Variants in GUCA1B observed in about 807,000 individuals in gnomAD.
GUCA1B encodes the protein guanylate cyclase activator 1B.
In GUCA1B, 22 loss-of-function variants were observed where a neutral mutation model predicts 24.2. The observed-to-expected ratio is 0.91, with a 90% CI of 0.65 to 1.30. The LOEUF (loss-of-function observed/expected upper bound fraction) is 1.30. Among genes scored for constraint, GUCA1B ranks in the 50% most tolerant of loss-of-function variants. GUCA1B has a pLI of 0.00. For synonymous variants in GUCA1B, 100 were observed against 97.9 expected (o/e 1.02, Z -0.13); for missense variants, 221 against 258.8 (o/e 0.85, Z 1.00).
intron 1 of GUCA1B, among the ~76,000 whole-genome samples, chr6:42,192,038 CAAAAAAAA>C (rs35283316): frequency 8.6e-6 from 1 of 116,886 alleles, no homozygotes; most frequent in Non-Finnish European, 1.7e-5. Flanking sequence ...TATGATCATA[CAAAAAAAA>C]AAAAAGAAAA....
chr6:42,189,296 G>T (rs1018884000), intron 1 of GUCA1B, among the ~76,000 whole-genome samples: 1 of 152,150 alleles, frequency 6.6e-6, no homozygotes, highest in Non-Finnish European at 1.5e-5. Context: ...CTGTTTCCTA[G>T]ATTTGTCTTG....
At chr6:42,187,222 A>C (rs1354011101) in intron 2 of GUCA1B, among the ~76,000 whole-genome samples, 1 of 151,958 alleles carries the variant, frequency 6.6e-6, no homozygotes, top group East Asian at 1.9e-4. Flanking sequence ...CTCCTGCCTC[A>C]GCCTTCCGAG....
At chr6:42,186,606 A>AAGC (rs1768197151) in intron 2 of GUCA1B, among the ~76,000 whole-genome samples, 1 of 148,822 alleles carries the variant, frequency 6.7e-6, no homozygotes, top group African/African-American at 2.6e-5. Flanking sequence ...AAAAAAAAAG[A>AAGC]AAGAAAGAAA....
rs760673864 is a variant in GUCA1B at position 42,184,895 on chromosome 6, A to G, written c.523T>C (p.Trp175Arg). 15 of 1,613,804 alleles carry G rather than the reference A, an allele frequency of 9.3e-6. No homozygotes were observed. Among genetic ancestry groups the G allele is most frequent in the East Asian group, 6.7e-5 (3 of 44,876 alleles). Residue 175 changes from tryptophan to arginine, a missense_variant, in exon 4 of 4, where the codon TGG becomes CGG. Physicochemically the swap from Trp to Arg is moderately radical, Grantham distance 101. Transcript: ENST00000230361. ...EFVEGARRDKWVMKMLQMDMN... is the reference protein window; with the variant it reads ...EFVEGARRDKRVMKMLQMDMN... ...TCCATCTGCAGCATCTTCATCACCCACTTGTCCCGACGGGCACCTTCAACA... is the reference window on the plus strand; with the variant it reads ...TCCATCTGCAGCATCTTCATCACCCGCTTGTCCCGACGGGCACCTTCAACA...
Position 42,194,871 on chromosome 6 carries a change from T to C in GUCA1B, c.-51A>G, listed in dbSNP as rs1309314913. The C allele has an allele frequency of 7.6e-7, 1 of 1,322,206 alleles. No homozygotes were observed. The highest frequency in any genetic ancestry group is 1.3e-5 in the South Asian group (1 of 79,580). The allele number at this position is 1,322,206 out of a possible 1,614,324, so 81.9% of individuals were successfully genotyped here. A position where few individuals can be genotyped will look rare whatever the true frequency, so the allele number is the denominator to read the frequency against. ...CAAGGGTCTGTATCTCCTCCCTGGCTTCTGCTGATGGATCTCTCCAACTAG... is the reference window on the plus strand; with the variant it reads ...CAAGGGTCTGTATCTCCTCCCTGGCCTCTGCTGATGGATCTCTCCAACTAG... On this transcript the variant is annotated 5_prime_UTR_variant, in exon 1 of 4. Transcript: ENST00000230361.
intron 1 of GUCA1B, among the ~76,000 whole-genome samples, chr6:42,193,434 C>A (rs888987150): frequency 1.3e-5 from 2 of 152,216 alleles, no homozygotes; most frequent in African/African-American, 4.8e-5. Flanking sequence ...AAAAAACCTG[C>A]CTTCTAGGCA....
intron 1 of GUCA1B, among the ~76,000 whole-genome samples, chr6:42,189,754 C>T (rs1488113022): frequency 3.3e-5 from 5 of 152,198 alleles, no homozygotes; most frequent in African/African-American, 4.8e-5. Flanking sequence ...AACAGAAATG[C>T]GGCAGCAATA....
chr6:42,190,475 A>G (rs1398153215), intron 1 of GUCA1B, among the ~76,000 whole-genome samples: 3 of 141,532 alleles, frequency 2.1e-5, no homozygotes, highest in Non-Finnish European at 4.5e-5. Flanking sequence ...ACCTTTTCTT[A>G]TATCTCTGGT....
Position 42,188,729 on chromosome 6 carries a change from GT to G in GUCA1B, c.209del (p.Asp70AlafsTer13). 6.2e-7 allele frequency: 1 copy of G among 1,613,494 alleles called. No individual in the cohort carries two copies. Among genetic ancestry groups the G allele is most frequent in the South Asian group, 1.1e-5 (1 of 90,908 alleles). ...GMFRAFDKNG[D>X]NTIDFLEYVA... is the part of the protein sequence containing the mutation. ...CGTACTCCAGGAAGTCGATGGTGTTGTCCTGCATTAGATGTGGATGCTGCTG... is the reference window on the plus strand; with the variant it reads ...CGTACTCCAGGAAGTCGATGGTGTTGCCTGCATTAGATGTGGATGCTGCTG... On this transcript the variant is annotated frameshift_variant and splice_region_variant, in exon 2 of 4. Coordinates refer to ENST00000230361, the MANE Select transcript of GUCA1B (RefSeq NM_002098.6). LOFTEE classifies it high-confidence loss of function.
intron 3 of GUCA1B, 56 bp from the exon 4 acceptor site, chr6:42,184,998 G>C: frequency 6.3e-7 from 1 of 1,583,998 alleles, no homozygotes; most frequent in Non-Finnish European, 8.7e-7. Context: ...CTGGGTCTGG[G>C]GGCAGGAGGA....
chr6:42,187,418 C>CTTT (rs70987578), intron 2 of GUCA1B, among the ~76,000 whole-genome samples: 13 of 129,580 alleles, frequency 1.0e-4, no homozygotes, highest in South Asian at 2.4e-4. Context: ...GTTTATTTTA[C>CTTT]TTTTTTTTTT....
intron 1 of GUCA1B, among the ~76,000 whole-genome samples, chr6:42,191,696 T>C (rs1768307091): frequency 2.0e-5 from 3 of 152,220 alleles, no homozygotes; most frequent in African/African-American, 4.8e-5. Context: ...TCTCAAGATA[T>C]ATCCTTACAT....
rs1412293266 is a variant in GUCA1B, at chr6:42,185,817, T to G, written c.358-20A>C. ...AATTCCCTGCCAAAGAAAACTCAGC[T>G]GCATTGACGGGAGACCCTGAAAGCT... On this transcript the variant is annotated intron_variant, in intron 2 of 3. Coordinates refer to ENST00000230361, the MANE Select transcript of GUCA1B (RefSeq NM_002098.6). 6.8e-7 allele frequency: 1 copy of G among 1,465,792 alleles called. No individual in the cohort carries two copies. Among genetic ancestry groups the G allele is most frequent in the Admixed American group, 1.7e-5 (1 of 59,822 alleles). The allele number at this position is 1,465,792 out of a possible 1,614,324, so 90.8% of individuals were successfully genotyped here. A position where few individuals can be genotyped will look rare whatever the true frequency, so the allele number is the denominator to read the frequency against.
intron 1 of GUCA1B, among the ~76,000 whole-genome samples, chr6:42,194,284 T>C (rs1044330758): frequency 5.1e-4 from 78 of 152,220 alleles, no homozygotes; most frequent in African/African-American, 1.8e-3. Flanking sequence ...GTCATTGGGC[T>C]GCAGAGTCTT....
Position 42,194,778 on chromosome 6 carries a change from C to G in GUCA1B, c.43G>C (p.Glu15Gln). The G allele has an allele frequency of 1.9e-6, 3 of 1,593,894 alleles. No individual in the cohort carries two copies. The highest frequency in any genetic ancestry group is 2.6e-6 in the Non-Finnish European group (3 of 1,170,078). The stretch of plus-strand genomic sequence containing the variant: ...TCCTGGAGCTCCGCCACATCTATCT[C>G]GCCAGCTGCCTCCGCCTCCTCCCAG... ...FSWEEAEAAGEIDVAELQEWY... is the reference protein window; with the variant it reads ...FSWEEAEAAGQIDVAELQEWY... The change falls in exon 1 of 4, where the codon GAG becomes CAG. Residue 15 changes from glutamate (E) to glutamine (Q), a missense_variant. Physicochemically the swap from Glu to Gln is conservative, Grantham distance 29. Transcript: ENST00000230361.
chr6:42,191,416 G>A (rs1768303125), intron 1 of GUCA1B, among the ~76,000 whole-genome samples: 1 of 152,092 alleles, frequency 6.6e-6, no homozygotes, highest in Non-Finnish European at 1.5e-5. Context: ...CTTTTGATTG[G>A]ATTTGCTTTA....
chr6:42,192,949 TA>T (rs967604850), intron 1 of GUCA1B, among the ~76,000 whole-genome samples: 3 of 152,008 alleles, frequency 2.0e-5, no homozygotes, highest in Admixed American at 2.0e-4. Flanking sequence ...AGCTTTCTCT[TA>T]AAAAAAGTAT....
intron 1 of GUCA1B, among the ~76,000 whole-genome samples, 186 bp from the exon 2 acceptor site, chr6:42,188,917 C>CTATATCA (rs59863444): frequency 2.1e-5 from 3 of 146,258 alleles, no homozygotes; most frequent in African/African-American, 5.4e-5. Flanking sequence ...TATATCATCT[C>CTATATCA]TCTCTCTCTC....
At position 42,183,399 on chromosome 6, in the gene GUCA1B, G is replaced by T. The variant is rs1018425190; in HGVS notation, c.*1416C>A. Reference sequence around the variant, plus strand: ...TAAACTGTCTTATAGGAGTAACAGTGACCCAGGGCACTGGTTTTCAGTTTG... The same window carrying T: ...TAAACTGTCTTATAGGAGTAACAGTTACCCAGGGCACTGGTTTTCAGTTTG... On this transcript the variant is annotated 3_prime_UTR_variant, in exon 4 of 4. Transcript: ENST00000230361. Among the ~76,000 whole-genome samples the T allele has an allele frequency of 2.0e-5, 3 of 152,138 alleles. No individual in the cohort carries two copies. The highest frequency in any genetic ancestry group is 4.4e-5 in the Non-Finnish European group (3 of 68,014).
Sources: allele counts gnomAD v4.1 joint callset (sites outside exome capture counted in the v4.1 genomes callset), GRCh38; gene constraint gnomAD v4.1.1; transcripts MANE v1.5; gene names NCBI Gene and HGNC (gene_info 2026-07-23, HGNC 2026-07-21).